The following NLRP12 variants were observed in gnomAD, a reference collection of about 807,000 sequenced individuals.
The protein encoded by NLRP12 is NACHT, LRR and PYD domains-containing protein 12.
Under a neutral mutation model 91.2 loss-of-function variants are expected in NLRP12, and 108 were observed. That is an observed-to-expected ratio of 1.18 (90% confidence interval 1.01 to 1.39). The LOEUF is 1.39. NLRP12 is among the 40% of genes most tolerant of loss of function. NLRP12 has a pLI of 0.00. For missense variants in NLRP12, 1,530 were observed against 1,352.7 expected (o/e 1.13, Z -2.06); for synonymous variants, 613 against 566.7 (o/e 1.08, Z -1.16).
chr19:53,796,240 T>G, intron 8 of NLRP12: 2 of 583,346 alleles, frequency 3.4e-6, no homozygotes, highest in Non-Finnish European at 6.3e-6. Flanking sequence ...GCATGGCTAA[T>G]TTTTGTATCC....
intron 7 of NLRP12, among the ~76,000 whole-genome samples, chr19:53,800,593 T>C (rs945477477): frequency 1.3e-3 from 203 of 152,110 alleles, no homozygotes; most frequent in African/African-American, 4.8e-3. Flanking sequence ...CCCCCTTTTT[T>C]TTTTTTGAGA....
chr19:53,798,140 T>A, intron 8 of NLRP12, 103 bp downstream of exon 8: 6 of 1,249,682 alleles, frequency 4.8e-6, no homozygotes, highest in Middle Eastern at 3.7e-4. Context: ...CTGAATCTTT[T>A]GTAGTGAAGC....
At chr19:53,819,700 C>T (rs1166647276) in intron 1 of NLRP12, among the ~76,000 whole-genome samples, 1 of 143,740 alleles carries the variant, frequency 7.0e-6, no homozygotes, top group East Asian at 2.1e-4. Context: ...TATACACACA[C>T]ACACACGTAT....
intron 1 of NLRP12, among the ~76,000 whole-genome samples, chr19:53,822,290 G>A (rs1008418518): frequency 6.6e-6 from 1 of 152,094 alleles, no homozygotes; most frequent in Non-Finnish European, 1.5e-5. Context: ...TAGAATTCCA[G>A]ATCTCCCAGG....
chr19:53,823,633 C>T (rs1338226597), intron 1 of NLRP12, among the ~76,000 whole-genome samples: 1 of 151,072 alleles, frequency 6.6e-6, no homozygotes, highest in Admixed American at 6.7e-5. Context: ...ACCGCAGCCT[C>T]GACCTTCTGG....
chr19:53,820,272 G>A (rs111659207), intron 1 of NLRP12, among the ~76,000 whole-genome samples: 13,386 of 152,178 alleles, frequency 0.088, 649 homozygotes, highest in Middle Eastern at 0.11. Context: ...GCTCACGCCT[G>A]TAATTCCAGC....
intron 1 of NLRP12, among the ~76,000 whole-genome samples, chr19:53,819,874 A>C (rs1041783779): frequency 3.3e-5 from 5 of 150,370 alleles, no homozygotes; most frequent in African/African-American, 1.2e-4. Context: ...GAAAGGAAGG[A>C]GGGAAGGAAA....
At chr19:53,798,572 TGA>T (rs895537876) in intron 7 of NLRP12, among the ~76,000 whole-genome samples, 159 bp from the exon 8 acceptor site, 18 of 151,884 alleles carry the variant, frequency 1.2e-4, no homozygotes, top group South Asian at 2.1e-4. Context: ...AGTAGGAAGA[TGA>T]GAGGAAGGGA....
At chr19:53,795,600 TC>T (rs1282015371) in intron 9 of NLRP12, among the ~76,000 whole-genome samples, 2 of 151,002 alleles carry the variant, frequency 1.3e-5, no homozygotes, top group Non-Finnish European at 3.0e-5. Context: ...GGTCTCGATC[TC>T]CTGACCTCGT....
intron 1 of NLRP12, among the ~76,000 whole-genome samples, chr19:53,819,692 TACAC>T (rs66662929): frequency 0.47 from 20,616 of 43,490 alleles, 7,651 homozygotes; most frequent in African/African-American, 0.6. Context: ...TACATATATA[TACAC>T]ACACACACAC....
chr19:53,795,304 C>T (rs541168329), intron 9 of NLRP12, among the ~76,000 whole-genome samples: 1 of 151,674 alleles, frequency 6.6e-6, no homozygotes, highest in African/African-American at 2.4e-5. Context: ...CAGAGTAATT[C>T]TAGATTCTCA....
At chr19:53,823,256 T>A (rs976309164) in intron 1 of NLRP12, among the ~76,000 whole-genome samples, 1 of 141,190 alleles carries the variant, frequency 7.1e-6, no homozygotes, top group Non-Finnish European at 1.5e-5. Flanking sequence ...ATATATAATA[T>A]TTATTATTTA....
chr19:53,807,856 T>C (rs2091987839), intron 3 of NLRP12, 191 bp from the exon 4 acceptor site: 2 of 600,832 alleles, frequency 3.3e-6, no homozygotes, highest in Admixed American at 4.3e-5. Context: ...GTTCAAGCGA[T>C]TCTCCTGCCT....
rs1423476702 is a variant in NLRP12, at chr19:53,795,904, A to G, written c.3053T>C (p.Leu1018Pro). The change falls in exon 9 of 10, where the codon CTT becomes CCT. Residue 1018 changes from leucine to proline, a missense_variant. Transcript: ENST00000324134. ...GCCAGGATGGCTCAGCCGCTTGCAA[A>G]GCAGTCGGACACCTGTGTCCCCTAG... ...NALGDTGVRL[L>P]CKRLSHPGCK... 5 of 1,614,160 alleles carry G rather than the reference A, an allele frequency of 3.1e-6. No homozygotes were observed. Among genetic ancestry groups the G allele is most frequent in the Non-Finnish European group, 4.2e-6 (5 of 1,180,026 alleles).
chr19:53,807,823 T>C, intron 3 of NLRP12, 158 bp from the exon 4 acceptor site: 1 of 784,806 alleles, frequency 1.3e-6, no homozygotes, highest in Non-Finnish European at 2.1e-6. Flanking sequence ...CAATCTCAGC[T>C]CACCACAACC....
Position 53,810,315 on chromosome 19 carries a change from C to G in NLRP12, c.1344G>C (p.Gly448=). 4 of 1,613,720 alleles carry G rather than the reference C, an allele frequency of 2.5e-6. No individual in the cohort carries two copies. Among genetic ancestry groups the G allele is most frequent in the Non-Finnish European group, 3.4e-6 (4 of 1,180,008 alleles). The change falls in exon 3 of 10, where the codon GGG becomes GGC. Residue 448 remains glycine (G), a synonymous_variant. Transcript: ENST00000324134. ...TGGGTGGGGGCTGGAGGCGCGGGGC[C>G]CCCGGCTTGGGTTGCATCAGACTCA... is the stretch of plus-strand genomic sequence containing the variant. ...YLLSLMQPKP[G]APRLQPPPNQ... is the part of the protein sequence containing the mutation.
chr19:53,801,342 TGAGAGTTGAGGCCA>T lies in NLRP12; in HGVS notation c.2627_2640del (p.Leu876GlnfsTer15). ...AGCTCTCTCAGGCTCTGGTTCACAC[TGAGAGTTGAGGCCA>T]GCTCGTCACAGGCAGCAGCAGTGAG... On this transcript the variant is annotated frameshift_variant, in exon 7 of 10. Coordinates refer to ENST00000324134, the MANE Select transcript of NLRP12 (RefSeq NM_144687.4). LOFTEE classifies it high-confidence loss of function. 6.2e-7 allele frequency: 1 copy of T among 1,613,822 alleles called. No homozygotes were observed. Among genetic ancestry groups the T allele is most frequent in the East Asian group, 2.2e-5 (1 of 44,864 alleles).
At position 53,823,966 on chromosome 19, in the gene NLRP12, C is replaced by T; in HGVS notation, c.209G>A (p.Trp70Ter). 6.2e-7 allele frequency: 1 copy of T among 1,614,190 alleles called. No homozygotes were observed. Among genetic ancestry groups the T allele is most frequent in the Non-Finnish European group, 8.5e-7 (1 of 1,180,044 alleles). ...LITHFGPEEA[W>*]RLALSTFERI... is the part of the protein sequence containing the mutation. ...CTCAAAGGTGCTGAGAGCCAACCTC[C>T]AGGCCTCCTCTGGCCCGAAGTGGGT... The change falls in exon 1 of 10, where the codon TGG becomes TAG. Residue 70 changes from tryptophan (W) to a stop codon, truncating the protein, a stop_gained. Coordinates refer to ENST00000324134, the MANE Select transcript of NLRP12 (RefSeq NM_144687.4). LOFTEE classifies it high-confidence loss of function.
intron 1 of NLRP12, among the ~76,000 whole-genome samples, chr19:53,816,156 A>G (rs542419458): frequency 2.6e-5 from 4 of 152,040 alleles, no homozygotes; most frequent in African/African-American, 9.6e-5. Context: ...AAGGCCCCCC[A>G]AAGTCCTAAG....
Sources: allele counts gnomAD v4.1 joint callset (sites outside exome capture counted in the v4.1 genomes callset), GRCh38; gene constraint gnomAD v4.1.1; transcripts MANE v1.5; gene names NCBI Gene and HGNC (gene_info 2026-07-23, HGNC 2026-07-21).